ABCC8: variants seen among roughly 807,000 people sequenced by gnomAD.
ABCC8 encodes the protein ATP binding cassette subfamily C member 8, also known as ATP-binding cassette sub-family C member 8.
Under a neutral mutation model 188.0 loss-of-function variants are expected in ABCC8, and 137 were observed. That is an observed-to-expected ratio of 0.73 (90% CI 0.63 to 0.84). The LOEUF (loss-of-function observed/expected upper bound fraction) is 0.84. ABCC8 is among the 40% of genes least tolerant of loss of function. The pLI, the probability that ABCC8 is intolerant of heterozygous loss-of-function variation, is 0.00. For synonymous variants in ABCC8, 797 were observed against 846.5 expected (o/e 0.94, Z 1.01); for missense variants, 1,750 against 2,072.7 (o/e 0.84, Z 3.02).
chr11:17,462,293 T>A (rs1015148955), intron 4 of ABCC8, among the ~76,000 whole-genome samples: 1 of 152,290 alleles, frequency 6.6e-6, no homozygotes, highest in Admixed American at 6.5e-5. Context: ...ATCACAGGGT[T>A]CCTGTGAGGG....
At chr11:17,475,178 C>A in intron 1 of ABCC8, 151 bp from the exon 2 acceptor site, 2 of 1,185,260 alleles carry the variant, frequency 1.7e-6, no homozygotes, top group Admixed American at 4.0e-5. Context: ...ACAAACTAAA[C>A]GTCCAACTCA....
At chr11:17,461,514 T>C (rs1409534118) in intron 5 of ABCC8, 69 bp downstream of exon 5, 2 of 1,598,822 alleles carry the variant, frequency 1.3e-6, no homozygotes, top group African/African-American at 1.3e-5. Context: ...CTAATGCCCT[T>C]TGAGGTCCCT....
At chr11:17,423,557 T>C (rs1396202058) in intron 16 of ABCC8, among the ~76,000 whole-genome samples, 6 of 152,082 alleles carry the variant, frequency 3.9e-5, no homozygotes, top group African/African-American at 1.4e-4. Context: ...TGCACTTCAC[T>C]ATGCTTGAAA....
At chr11:17,403,740 T>C (rs1954365225) in intron 28 of ABCC8, among the ~76,000 whole-genome samples, 2 of 152,180 alleles carry the variant, frequency 1.3e-5, no homozygotes, top group African/African-American at 2.4e-5. Flanking sequence ...AACACAAAGG[T>C]TTCATGAAGC....
chr11:17,413,689 A>G, intron 19 of ABCC8: 4 of 939,104 alleles, frequency 4.3e-6, no homozygotes, highest in Non-Finnish European at 6.3e-6. Flanking sequence ...TAAATACTAG[A>G]AGGATGGAAT....
At position 17,407,389 on chromosome 11, in the gene ABCC8, C is replaced by T; in HGVS notation, c.2885G>A (p.Arg962Lys). ...PQGLSRAMSS[R>K]DGLLQDEEEE... ...TTCCTCATCCTGCAGAAGGCCATCCCTCGAGGACATGGCACGAGATAGGCC... is the reference window on the plus strand; with the variant it reads ...TTCCTCATCCTGCAGAAGGCCATCCTTCGAGGACATGGCACGAGATAGGCC... The change falls in exon 24 of 39, where the codon AGG (arginine) becomes AAG (lysine). Residue 962 changes from arginine (R) to lysine (K), a missense_variant. Physicochemically the swap from Arg to Lys is conservative, Grantham distance 26 (BLOSUM62 2). Coordinates refer to ENST00000389817, the MANE Select transcript of ABCC8 (RefSeq NM_000352.6). The T allele has an allele frequency of 6.2e-7, 1 of 1,614,180 alleles. No individual in the cohort carries two copies. Among genetic ancestry groups the T allele is most frequent in the East Asian group, 2.2e-5 (1 of 44,884 alleles).
In ABCC8 at chr11:17,461,033, G is replaced by T. The variant is rs79446995; in HGVS notation, c.823-357C>A. The T allele has an allele frequency of 5.5e-3, 2,056 of 376,492 alleles. 62 individuals carry two copies. In the East Asian group the frequency reaches 0.059, roughly 11 times the overall value. The allele number at this position is 376,492 out of a possible 1,614,324, so 23.3% of individuals were successfully genotyped here. Reference sequence around the variant, plus strand: ...CCTCAGCAACTGCCCTGGTGCGAGGGCAGAGGAAGTGAAGGAGCACTGGAC... The same window carrying T: ...CCTCAGCAACTGCCCTGGTGCGAGGTCAGAGGAAGTGAAGGAGCACTGGAC... On this transcript the variant is annotated intron_variant, in intron 5 of 38. Transcript: ENST00000389817.
At position 17,427,616 on chromosome 11, in the gene ABCC8, A is replaced by G. The variant is rs1374478814; in HGVS notation, c.2116+251T>C. The stretch of plus-strand genomic sequence containing the variant: ...CTACCCACTTCTGATCTTTTTGTGC[A>G]TTACCTATACTGTCTGCAATGGATG... On this transcript the variant is annotated intron_variant, in intron 15 of 38. Coordinates refer to ENST00000389817, the MANE Select transcript of ABCC8 (RefSeq NM_000352.6). This position sits in a 1 kb window ranked among gnomAD's most constrained non-coding sequence, Gnocchi z 5.0. Among the ~76,000 whole-genome samples the G allele has an allele frequency of 6.6e-6, 1 of 152,068 alleles. No homozygotes were observed. Among genetic ancestry groups the G allele is most frequent in the Non-Finnish European group, 1.5e-5 (1 of 68,022 alleles).
chr11:17,404,699 T>A lies in ABCC8; in HGVS notation c.3400-30A>T. ...GGGAGACGAGGGGGAGAGAGTGAGG[T>A]GAATTTTGGTATTGACTGTGTTTAG... On this transcript the variant is annotated intron_variant, in intron 27 of 38. Transcript: ENST00000389817. The surrounding 1 kb of genome is among the most constrained non-coding windows in gnomAD (Gnocchi z 4.7). The A allele has an allele frequency of 6.3e-7, 1 of 1,576,996 alleles. No individual in the cohort carries two copies. Among genetic ancestry groups the A allele is most frequent in the Non-Finnish European group, 8.6e-7 (1 of 1,161,832 alleles).
intron 10 of ABCC8, among the ~76,000 whole-genome samples, chr11:17,441,984 G>A (rs763044965): frequency 7.9e-5 from 12 of 152,170 alleles, no homozygotes; most frequent in Non-Finnish European, 1.5e-4. Flanking sequence ...GGAGGCTGAG[G>A]CAGGAGAATC....
chr11:17,403,068 G>C (rs1012938092), intron 28 of ABCC8, among the ~76,000 whole-genome samples: 1 of 152,242 alleles, frequency 6.6e-6, no homozygotes, highest in Non-Finnish European at 1.5e-5. Context: ...CTGAGCTAAG[G>C]CTGGGCAGGC....
intron 16 of ABCC8, among the ~76,000 whole-genome samples, chr11:17,417,653 GA>G (rs1040383266): frequency 2.0e-5 from 3 of 152,032 alleles, no homozygotes; most frequent in Non-Finnish European, 4.4e-5. Flanking sequence ...ACATTTGGGG[GA>G]AAAAATCTGC....
chr11:17,412,325 A>G (rs949610404), intron 21 of ABCC8, among the ~76,000 whole-genome samples: 2 of 152,224 alleles, frequency 1.3e-5, no homozygotes, highest in African/African-American at 4.8e-5. Flanking sequence ...ATAAGATGGG[A>G]AGTGGCAGCA....
rs367609611 is a variant in ABCC8, at chr11:17,421,372, C to T, written c.2223-4410G>A. ...TGAAATACTGGGTTAGGAAACAGCT[C>T]GGACAAAGGCATGTGGAAAGGAGAG... On this transcript the variant is annotated intron_variant, in intron 16 of 38. Transcript: ENST00000389817. 1.1e-4 allele frequency among the ~76,000 whole-genome samples: 17 copies of T among 152,260 alleles called. No homozygotes were observed. In the East Asian group the frequency reaches 1.7e-3, roughly 16 times the overall value.
intron 23 of ABCC8, chr11:17,408,128 T>G: frequency 2.6e-6 from 1 of 382,186 alleles, no homozygotes; most frequent in East Asian, 4.8e-5. Flanking sequence ...TCTTTGCCAG[T>G]TTGAGTTGAT....
At chr11:17,452,575 G>C (rs1956854256) in intron 7 of ABCC8, among the ~76,000 whole-genome samples, 1 of 152,192 alleles carries the variant, frequency 6.6e-6, no homozygotes, top group African/African-American at 2.4e-5. Context: ...TCTGACAGGA[G>C]GCAGAGCTCA....
Position 17,404,197 on chromosome 11 carries a change from C to A in ABCC8, c.3557+315G>T, listed in dbSNP as rs1176985386. Among the ~76,000 whole-genome samples, 1 of 152,134 alleles carries A rather than the reference C, an allele frequency of 6.6e-6. No individual in the cohort carries two copies. The highest frequency in any genetic ancestry group is 1.5e-5 in the Non-Finnish European group (1 of 68,028). On this transcript the variant is annotated intron_variant, in intron 28 of 38. Transcript: ENST00000389817. This position sits in a 1 kb window ranked among gnomAD's most constrained non-coding sequence, Gnocchi z 4.7. ...AGCCTGACCACTAGAATGATGCAAC[C>A]CTCCTGGGAAGCATGTTGGCAAAAT...
chr11:17,404,828 C>T lies in ABCC8; in HGVS notation c.3400-159G>A. 1 of 711,654 alleles carries T rather than the reference C, an allele frequency of 1.4e-6. No individual in the cohort carries two copies. The highest frequency in any genetic ancestry group is 1.9e-5 in the African/African-American group (1 of 51,678). The allele number at this position is 711,654 out of a possible 1,614,324, so 44.1% of individuals were successfully genotyped here. On this transcript the variant is annotated intron_variant, in intron 27 of 38. Transcript: ENST00000389817. The surrounding 1 kb of genome is among the most constrained non-coding windows in gnomAD (Gnocchi z 4.7). ...CCAGACTTGAGTGCAGCAGCGTAAT[C>T]TCGGTTCACGGCAGCCTCTGCCCCT...
At position 17,476,753 on chromosome 11, in the gene ABCC8, G is replaced by A. The variant is rs754508426; in HGVS notation, c.24C>T (p.Ser8=). 16 of 1,590,876 alleles carry A rather than the reference G, an allele frequency of 1.0e-5. No individual in the cohort carries two copies. Among genetic ancestry groups the A allele is most frequent in the Non-Finnish European group, 1.4e-5 (16 of 1,168,942 alleles). Residue 8 remains serine (S), a synonymous_variant, in exon 1 of 39, where the codon AGC becomes AGT. Coordinates refer to ENST00000389817, the MANE Select transcript of ABCC8 (RefSeq NM_000352.6). The stretch of plus-strand genomic sequence containing the variant: ...CCCGGTAGGCGGCCGAGTGGTTCTC[G>A]CTGCCGCAGAAGGCCAGGGGCATGG... MPLAFCG[S]ENHSAAYRVD...
Sources: allele counts gnomAD v4.1 joint callset (sites outside exome capture counted in the v4.1 genomes callset), GRCh38; gene constraint gnomAD v4.1.1; non-coding constraint Gnocchi (gnomAD v3.1); transcripts MANE v1.5; gene names NCBI Gene and HGNC (gene_info 2026-07-23, HGNC 2026-07-21).